The following KLF7 variants were observed in gnomAD, a reference collection of about 807,000 sequenced individuals.
KLF7 encodes Krueppel-like factor 7.
KLF7 carries 2 observed loss-of-function variants against 27.3 expected under a neutral mutation model. The observed-to-expected ratio is 0.07, with a 90% CI of 0.03 to 0.23. The LOEUF is 0.23. KLF7 is among the 10% of genes least tolerant of loss of function. KLF7 has a pLI of 1.00. For synonymous variants in KLF7, 165 were observed against 162.4 expected, an observed-to-expected ratio of 1.02 and a Z score of -0.12; for missense variants, 221 against 394.1, an observed-to-expected ratio of 0.56 and a Z score of 3.72.
chr2:207,128,919 A>G (rs558188060), intron 1 of KLF7, among the ~76,000 whole-genome samples: 1 of 152,322 alleles, frequency 6.6e-6, no homozygotes, highest in East Asian at 1.9e-4. Context: ...CTGAACCAGT[A>G]AAAGGACTGG....
upstream of KLF7, among the ~76,000 whole-genome samples, chr2:207,168,591 C>T (rs1275658657): frequency 6.6e-6 from 1 of 152,196 alleles, no homozygotes; most frequent in Middle Eastern, 3.4e-3. Flanking sequence ...TGGGTGGGGC[C>T]GGAGGAGGAG....
intron 1 of KLF7, among the ~76,000 whole-genome samples, chr2:207,154,445 G>A (rs2078327315): frequency 6.6e-6 from 1 of 152,190 alleles, no homozygotes; most frequent in Non-Finnish European, 1.5e-5. Flanking sequence ...CAGTTTCCGG[G>A]CACAAAGGGT....
Position 207,078,415 on chromosome 2 carries a change from G to T in KLF7, c.*2798C>A, listed in dbSNP as rs2076212315. The T allele has an allele frequency of 2.6e-5, 4 of 152,200 alleles. No homozygotes were observed. 9.4% of individuals were successfully genotyped at this position (152,200 alleles called of 1,614,324 possible). ...CCTTTGTTCTGCCACATTCAAATGA[G>T]ACCACAGATGAAAATAGGGAGCAAA... On this transcript the variant is annotated 3_prime_UTR_variant, in exon 4 of 4. Transcript: ENST00000309446.
chr2:207,108,687 A>G (rs1362555557), intron 2 of KLF7, among the ~76,000 whole-genome samples: 2 of 152,268 alleles, frequency 1.3e-5, no homozygotes, highest in African/African-American at 2.4e-5. Context: ...ACTGCTGCAC[A>G]TAACAAGCAA....
upstream of KLF7, among the ~76,000 whole-genome samples, chr2:207,167,572 G>A (rs2078748010): frequency 6.6e-6 from 1 of 152,194 alleles, no homozygotes; most frequent in Non-Finnish European, 1.5e-5. Context: ...TGAATTACTG[G>A]GATTGAGGAA....
upstream of KLF7, chr2:207,166,208 G>C: frequency 1.0e-6 from 1 of 984,406 alleles, no homozygotes; most frequent in Non-Finnish European, 1.2e-6. Flanking sequence ...GTAAACAGGG[G>C]GCTCATGAAG....
At chr2:207,081,575 G>A (rs779250811) in intron 3 of KLF7, among the ~76,000 whole-genome samples, 2 of 152,122 alleles carry the variant, frequency 1.3e-5, no homozygotes, top group Non-Finnish European at 2.9e-5. Context: ...ATCTATGCAA[G>A]GTACTTAGAA....
chr2:207,155,294 T>C (rs1463213369), intron 1 of KLF7, among the ~76,000 whole-genome samples: 1 of 151,916 alleles, frequency 6.6e-6, no homozygotes, highest in Non-Finnish European at 1.5e-5. Context: ...GTTATTTTTA[T>C]GACAGGAAGA....
chr2:207,166,716 A>C, upstream of KLF7: 1 of 817,626 alleles, frequency 1.2e-6, no homozygotes, highest in Non-Finnish European at 1.5e-6. Flanking sequence ...GGCACGGGGC[A>C]GGGACCCGCG....
At chr2:207,159,612 G>A (rs952454509) in intron 1 of KLF7, among the ~76,000 whole-genome samples, 2 of 152,246 alleles carry the variant, frequency 1.3e-5, no homozygotes, top group African/African-American at 4.8e-5. Flanking sequence ...TATTTACTGT[G>A]GAATATTTTC....
intron 2 of KLF7, among the ~76,000 whole-genome samples, chr2:207,120,076 T>A (rs1003338477): frequency 6.6e-6 from 1 of 152,182 alleles, no homozygotes; most frequent in African/African-American, 2.4e-5. Flanking sequence ...CGCCTCGTTA[T>A]CCTGCACCTC....
At chr2:207,081,947 C>T (rs9678413) in intron 3 of KLF7, among the ~76,000 whole-genome samples, 2,445 of 151,630 alleles carry the variant, frequency 0.016, 77 homozygotes, top group African/African-American at 0.055. Context: ...CCCAATATCA[C>T]GCCATCCTCA....
At chr2:207,147,754 C>T (rs761740070) in intron 1 of KLF7, among the ~76,000 whole-genome samples, 4 of 152,144 alleles carry the variant, frequency 2.6e-5, no homozygotes, top group African/African-American at 9.7e-5. Flanking sequence ...CATGAGATGG[C>T]GCCATTGGGA....
chr2:207,137,085 C>T (rs192569457), intron 1 of KLF7, among the ~76,000 whole-genome samples: 1 of 152,142 alleles, frequency 6.6e-6, no homozygotes, highest in Non-Finnish European at 1.5e-5. Context: ...CACCCCTCCC[C>T]TCTCCTCACC....
At chr2:207,115,849 G>A (rs897919942) in intron 2 of KLF7, among the ~76,000 whole-genome samples, 6 of 152,170 alleles carry the variant, frequency 3.9e-5, no homozygotes, top group South Asian at 2.1e-4. Flanking sequence ...GTGGATGGAC[G>A]TATAATCCAC....
chr2:207,140,482 G>A (rs2077909858), intron 1 of KLF7, among the ~76,000 whole-genome samples: 1 of 152,024 alleles, frequency 6.6e-6, no homozygotes, highest in African/African-American at 2.4e-5. Context: ...AAAATGCAGT[G>A]AGGAAAAAAA....
intron 2 of KLF7, among the ~76,000 whole-genome samples, chr2:207,092,032 G>A (rs1386399304): frequency 6.6e-6 from 1 of 152,188 alleles, no homozygotes; most frequent in Admixed American, 6.5e-5. Flanking sequence ...ACCAGAGCAG[G>A]TTTCATGCAA....
At chr2:207,090,497 C>T (rs1040846033) in intron 2 of KLF7, among the ~76,000 whole-genome samples, 1 of 152,114 alleles carries the variant, frequency 6.6e-6, no homozygotes, top group Admixed American at 6.6e-5. Flanking sequence ...GCGTAAGAAA[C>T]GTTTGTTCAG....
chr2:207,119,776 G>A (rs889038695), intron 2 of KLF7, among the ~76,000 whole-genome samples: 5 of 152,090 alleles, frequency 3.3e-5, no homozygotes, highest in African/African-American at 7.2e-5. Context: ...CAATCTCGGC[G>A]CACTGCAACC....
Sources: gnomAD v4.1 joint callset for allele counts (sites outside exome capture counted in the v4.1 genomes callset) on GRCh38, gnomAD v4.1.1 for gene constraint, MANE v1.5 for transcripts, NCBI Gene and HGNC (gene_info 2026-07-23, HGNC 2026-07-21) for gene names.